OMA1: variants seen among roughly 807,000 people sequenced by gnomAD.
The protein encoded by OMA1 is OMA1 zinc metallopeptidase, also known as metalloendopeptidase OMA1, mitochondrial.
Under a neutral mutation model 30.9 loss-of-function variants are expected in OMA1, and 38 were observed. The observed-to-expected ratio is 1.23, with a 90% confidence interval of 0.95 to 1.61. The LOEUF (loss-of-function observed/expected upper bound fraction) is 1.61, where lower values mean the gene tolerates loss of function less well. Among genes scored for constraint, OMA1 ranks in the 40% most tolerant of loss-of-function variants. The probability of loss-of-function intolerance (pLI) is 0.00; values close to 1 mark genes in which losing one functional copy is unlikely to be tolerated. For missense variants in OMA1, 461 were observed against 349.2 expected (o/e 1.32, Z -2.55); for synonymous variants, 173 against 121.9 (o/e 1.42, Z -2.76).
intron 7 of OMA1, among the ~76,000 whole-genome samples, chr1:58,516,786 A>T (rs555172648): frequency 1.4e-4 from 22 of 152,310 alleles, no homozygotes; most frequent in Admixed American, 1.4e-3. Context: ...CCAAGCTCAC[A>T]AGATTGACAT....
At chr1:58,510,637 G>C (rs1646059517) in intron 7 of OMA1, among the ~76,000 whole-genome samples, 1 of 151,838 alleles carries the variant, frequency 6.6e-6, no homozygotes, top group African/African-American at 2.4e-5. Flanking sequence ...AATGAGGCAA[G>C]AGAAAGAAAT....
intron 7 of OMA1, among the ~76,000 whole-genome samples, chr1:58,509,661 CATAA>C (rs1282734617): frequency 7.1e-6 from 1 of 141,590 alleles, no homozygotes; most frequent in East Asian, 2.1e-4. Context: ...AAGATTAGAG[CATAA>C]ATAAAGAAAA....
chr1:58,524,122 C>T (rs1201184850), intron 7 of OMA1, among the ~76,000 whole-genome samples: 2 of 152,156 alleles, frequency 1.3e-5, no homozygotes, highest in African/African-American at 2.4e-5. Flanking sequence ...ACTCCATTTC[C>T]GCAAAACAGT....
chr1:58,540,117 A>G (rs1455780004), intron 1 of OMA1, among the ~76,000 whole-genome samples: 1 of 152,128 alleles, frequency 6.6e-6, no homozygotes, highest in Admixed American at 6.5e-5. Flanking sequence ...CCCACCATTC[A>G]AAGTGGAAAA....
chr1:58,485,801 A>G (rs749304634), intron 8 of OMA1, among the ~76,000 whole-genome samples: 2 of 152,220 alleles, frequency 1.3e-5, no homozygotes, highest in Non-Finnish European at 2.9e-5. Flanking sequence ...CGCACTGCAC[A>G]TAACAGGCAC....
chr1:58,494,883 T>G (rs187051900), intron 8 of OMA1, among the ~76,000 whole-genome samples: 266 of 152,288 alleles, frequency 1.7e-3, no homozygotes, highest in African/African-American at 6.1e-3. Flanking sequence ...GATCTAGAAC[T>G]AGAAATACCA....
At chr1:58,484,447 C>A (rs1645540543) in intron 8 of OMA1, among the ~76,000 whole-genome samples, 1 of 152,146 alleles carries the variant, frequency 6.6e-6, no homozygotes, top group Admixed American at 6.6e-5. Context: ...ACCAGTAATA[C>A]AGGCATACTT....
chr1:58,518,854 G>T (rs1646215080), intron 7 of OMA1, among the ~76,000 whole-genome samples: 1 of 152,122 alleles, frequency 6.6e-6, no homozygotes. Flanking sequence ...CGAGCTCTAA[G>T]AATTTTAATT....
rs145809730 is a variant in OMA1, at chr1:58,534,287, G to A, written c.774C>T (p.Ala258=). 62 of 867,442 alleles carry A rather than the reference G, an allele frequency of 7.1e-5. No homozygotes were observed. Among genetic ancestry groups the A allele is most frequent in the Non-Finnish European group, 1.1e-4 (56 of 500,484 alleles). 53.7% of individuals were successfully genotyped at this position (867,442 alleles called of 1,614,324 possible). ...FKNDMLTEKD[A]RYLAVKEVLC... ...GCACTTCTTTAACAGCCAGGTATCG[G>A]GCATCTTTCTCAGTTAGCATATCAT... is the stretch of plus-strand genomic sequence containing the variant. Residue 258 remains alanine (A), a synonymous_variant, in exon 4 of 9, where the codon GCC becomes GCT. Coordinates refer to ENST00000371226, the MANE Select transcript of OMA1 (RefSeq NM_145243.5).
chr1:58,534,795 G>A (rs1206009818), intron 3 of OMA1, among the ~76,000 whole-genome samples: 1 of 152,146 alleles, frequency 6.6e-6, no homozygotes, highest in East Asian at 1.9e-4. Flanking sequence ...AATTAGCCAG[G>A]CGTGGTGGCA....
chr1:58,543,388 T>C (rs563228517), intron 1 of OMA1, among the ~76,000 whole-genome samples: 2 of 152,348 alleles, frequency 1.3e-5, no homozygotes, highest in South Asian at 4.1e-4. Context: ...CTGGATTATC[T>C]CTACAGCAAC....
chr1:58,517,716 A>C (rs1646179219), intron 7 of OMA1, among the ~76,000 whole-genome samples: 1 of 152,174 alleles, frequency 6.6e-6, no homozygotes, highest in Non-Finnish European at 1.5e-5. Flanking sequence ...TCAATTAATA[A>C]ATGAAAATCA....
chr1:58,534,159 G>T lies in OMA1; in HGVS notation c.902C>A (p.Pro301Gln). 1.1e-6 allele frequency: 1 copy of T among 870,106 alleles called. No individual in the cohort carries two copies. The highest frequency in any genetic ancestry group is 2.0e-6 in the Non-Finnish European group (1 of 501,130). The allele number at this position is 870,106 out of a possible 1,614,324, so 53.9% of individuals were successfully genotyped here. A position where few individuals can be genotyped will look rare whatever the true frequency, so the allele number is the denominator to read the frequency against. The change falls in exon 4 of 9, where the codon CCA becomes CAA. Residue 301 changes from proline to glutamine, a missense_variant and splice_region_variant. Transcript: ENST00000371226. ...DSPIINAFVL[P>Q]NGQMFVFTGF... ...ATGCGTTTGAGAACATTTACTTACT[G>T]GAAGCACGAAGGCATTAATAATTGG...
At chr1:58,518,892 A>G (rs1235008163) in intron 7 of OMA1, among the ~76,000 whole-genome samples, 1 of 152,176 alleles carries the variant, frequency 6.6e-6, no homozygotes, top group Non-Finnish European at 1.5e-5. Context: ...TAGGTCCAAT[A>G]CTGTTCCTAT....
chr1:58,518,538 G>A (rs949515982), intron 7 of OMA1, among the ~76,000 whole-genome samples: 1 of 151,852 alleles, frequency 6.6e-6, no homozygotes, highest in African/African-American at 2.4e-5. Context: ...GCTAGTACTG[G>A]AGATGGGAAC....
At chr1:58,514,537 T>C (rs1646130153) in intron 7 of OMA1, among the ~76,000 whole-genome samples, 1 of 152,172 alleles carries the variant, frequency 6.6e-6, no homozygotes, top group South Asian at 2.1e-4. Flanking sequence ...ATCCTGACAC[T>C]GAATGAATCT....
chr1:58,525,796 A>T lies in OMA1; in HGVS notation c.1215+1465T>A, dbSNP rs559831674. The stretch of plus-strand genomic sequence containing the variant: ...CTGCAGAACAACACTGGAGGACAGA[A>T]GCTTCAGGTATCAACACTTACTACA... On this transcript the variant is annotated intron_variant, in intron 7 of 8. Transcript: ENST00000371226. 7.2e-5 allele frequency among the ~76,000 whole-genome samples: 11 copies of T among 152,250 alleles called. No individual in the cohort carries two copies. The South Asian group carries it at 2.3e-3, about 32-fold the overall frequency.
intron 1 of OMA1, among the ~76,000 whole-genome samples, 187 bp from the exon 2 acceptor site, chr1:58,539,497 C>T (rs1043855774): frequency 2.0e-4 from 31 of 152,060 alleles, no homozygotes; most frequent in African/African-American, 7.2e-4. Context: ...ATATATACCA[C>T]GATATTTACT....
At chr1:58,522,802 C>A (rs1386369910) in intron 7 of OMA1, among the ~76,000 whole-genome samples, 2 of 152,040 alleles carry the variant, frequency 1.3e-5, no homozygotes, top group Non-Finnish European at 2.9e-5. Flanking sequence ...TTAAGAAAAC[C>A]ATAAGGAAGA....
Sources: allele counts gnomAD v4.1 joint callset (sites outside exome capture counted in the v4.1 genomes callset), GRCh38; gene constraint gnomAD v4.1.1; transcripts MANE v1.5; gene names NCBI Gene and HGNC (gene_info 2026-07-23, HGNC 2026-07-21).